The following MSRA variants were observed in gnomAD, a reference collection of about 807,000 sequenced individuals.
The protein encoded by MSRA is methionine sulfoxide reductase A.
MSRA carries 54 observed loss-of-function variants against 31.3 expected under a neutral mutation model. That is an observed-to-expected ratio of 1.73 (90% CI 1.39 to 2.17). The LOEUF (loss-of-function observed/expected upper bound fraction) is 2.17. Ranked by LOEUF, MSRA falls within the 30% of genes most tolerant of loss-of-function variation. MSRA has a pLI of 0.00. For missense variants in MSRA, 507 were observed against 300.9 expected, an observed-to-expected ratio of 1.69 and a Z score of -5.07; for synonymous variants, 169 against 116.5, an observed-to-expected ratio of 1.45 and a Z score of -2.90.
intron 2 of MSRA, among the ~76,000 whole-genome samples, chr8:10,227,649 G>A (rs902409205): frequency 8.5e-5 from 13 of 152,176 alleles, no homozygotes; most frequent in South Asian, 2.1e-4. Flanking sequence ...GAGGTACAGT[G>A]GAGTGTACAC....
chr8:10,340,650 G>A (rs1803368488), intron 5 of MSRA, among the ~76,000 whole-genome samples: 1 of 152,238 alleles, frequency 6.6e-6, no homozygotes, highest in Non-Finnish European at 1.5e-5. Flanking sequence ...TGGGATTCCA[G>A]GCATGAGCCA....
At chr8:10,332,599 G>T (rs1159438701) in intron 5 of MSRA, among the ~76,000 whole-genome samples, 2 of 152,138 alleles carry the variant, frequency 1.3e-5, no homozygotes, top group Non-Finnish European at 2.9e-5. Context: ...TTTCTGGGAG[G>T]CAGGCACCCA....
intron 5 of MSRA, among the ~76,000 whole-genome samples, chr8:10,415,249 C>G (rs1479183449): frequency 1.3e-5 from 2 of 152,166 alleles, no homozygotes; most frequent in African/African-American, 2.4e-5. Context: ...AAGGAAGGAC[C>G]CATTCCCCTT....
At chr8:10,084,265 C>G (rs1798441389) in intron 1 of MSRA, among the ~76,000 whole-genome samples, 1 of 152,222 alleles carries the variant, frequency 6.6e-6, no homozygotes. Flanking sequence ...GCCTTAGCCT[C>G]TTTCTTTAAG....
chr8:10,202,746 T>C (rs62491574), intron 1 of MSRA, among the ~76,000 whole-genome samples: 72,162 of 152,118 alleles, frequency 0.47, 17,370 homozygotes, highest in South Asian at 0.6. Flanking sequence ...AACTGTTATA[T>C]AGAGTTTGTT....
chr8:10,311,952 T>A (rs1023443499), intron 4 of MSRA, among the ~76,000 whole-genome samples: 1 of 152,192 alleles, frequency 6.6e-6, no homozygotes, highest in African/African-American at 2.4e-5. Flanking sequence ...TTATCAAAGA[T>A]AAATCATGAT....
chr8:10,377,519 A>G (rs895522529), intron 5 of MSRA, among the ~76,000 whole-genome samples: 3 of 152,194 alleles, frequency 2.0e-5, no homozygotes, highest in African/African-American at 7.2e-5. Flanking sequence ...AGCCGGGGGC[A>G]TCTAGGAGGG....
intron 1 of MSRA, among the ~76,000 whole-genome samples, chr8:10,074,058 CTTTTTTTTTTTTTTTTTTTTTTTTTTT>C (rs534642712): frequency 1.0e-4 from 3 of 29,454 alleles, no homozygotes; most frequent in African/African-American, 3.6e-4. Flanking sequence ...AAGGGAGGTG[CTTTTTTTTTTTTTTTTTTTTTTTTTTT>C]TTTTTTTTTT....
intron 5 of MSRA, among the ~76,000 whole-genome samples, chr8:10,359,425 C>T (rs993277183): frequency 1.3e-5 from 2 of 152,046 alleles, no homozygotes; most frequent in African/African-American, 4.8e-5. Flanking sequence ...TATTTCAGGT[C>T]TTATATCACT....
chr8:10,229,618 T>C (rs1295216549), intron 2 of MSRA, among the ~76,000 whole-genome samples: 1 of 151,778 alleles, frequency 6.6e-6, no homozygotes, highest in African/African-American at 2.4e-5. Flanking sequence ...GAGAACAGAG[T>C]GGACACGAAC....
At position 10,144,811 on chromosome 8, in the gene MSRA, G is replaced by T. The variant is rs185581663; in HGVS notation, c.143-63022G>T. Among the ~76,000 whole-genome samples the T allele has an allele frequency of 3.3e-4, 50 of 152,288 alleles. No individual in the cohort carries two copies. In the East Asian group the frequency reaches 8.3e-3, roughly 25 times the overall value. On this transcript the variant is annotated intron_variant, in intron 1 of 5. Coordinates refer to ENST00000317173, the MANE Select transcript of MSRA (RefSeq NM_012331.5). ...ACAGCTGGCTCATCAGAGGTGGGCA[G>T]TTGGGGGATTGGCACATCTGACTGT...
At chr8:10,095,951 A>T (rs780692267) in intron 1 of MSRA, 35 of 1,363,906 alleles carry the variant, frequency 2.6e-5, no homozygotes, top group Non-Finnish European at 3.0e-5. Context: ...AATTAGAGGG[A>T]ATATTAATTT....
chr8:10,428,025 G>GCCTAAA, intron 5 of MSRA, 123 bp from the exon 6 acceptor site: 8 of 1,014,644 alleles, frequency 7.9e-6, no homozygotes, highest in Non-Finnish European at 1.1e-5. Context: ...CGGCCTAAAG[G>GCCTAAA]GGACCCACTG....
intron 5 of MSRA, among the ~76,000 whole-genome samples, chr8:10,331,429 C>G (rs969054207): frequency 4.6e-5 from 7 of 152,156 alleles, no homozygotes; most frequent in African/African-American, 1.7e-4. Context: ...GGTGCTTTCT[C>G]CTGTATTTTG....
At chr8:10,213,408 C>T (rs1274947828) in intron 2 of MSRA, among the ~76,000 whole-genome samples, 1 of 146,588 alleles carries the variant, frequency 6.8e-6, no homozygotes, top group Non-Finnish European at 1.5e-5. Context: ...AGGAGTACTC[C>T]ATTGTGTACA....
intron 5 of MSRA, among the ~76,000 whole-genome samples, chr8:10,358,167 G>C (rs557354918): frequency 6.6e-6 from 1 of 152,150 alleles, no homozygotes; most frequent in Non-Finnish European, 1.5e-5. Context: ...GCCCCCGGGT[G>C]ATCTGTCCAC....
intron 3 of MSRA, among the ~76,000 whole-genome samples, chr8:10,283,264 C>T (rs1460613132): frequency 5.9e-5 from 9 of 151,970 alleles, no homozygotes; most frequent in African/African-American, 7.3e-5. Context: ...CAGTATCACA[C>T]GGTGGATCCT....
At chr8:10,092,736 T>G (rs553601487) in intron 1 of MSRA, among the ~76,000 whole-genome samples, 2 of 152,350 alleles carry the variant, frequency 1.3e-5, no homozygotes, top group African/African-American at 4.8e-5. Flanking sequence ...GTTTTCTGTT[T>G]CCTTGCTGAT....
Position 10,319,949 on chromosome 8 carries a change from A to G in MSRA, c.503A>G (p.Gln168Arg). The G allele has an allele frequency of 6.2e-7, 1 of 1,602,534 alleles. No homozygotes were observed. The highest frequency in any genetic ancestry group is 2.3e-5 in the East Asian group (1 of 44,414). Residue 168 changes from glutamine to arginine, a missense_variant, in exon 5 of 6, where the codon CAA becomes CGA. By Grantham distance (43) the Gln-to-Arg change is conservative (BLOSUM62 1). Coordinates refer to ENST00000317173, the MANE Select transcript of MSRA (RefSeq NM_012331.5). The part of the protein sequence containing the change: ...RSAIYPTSAK[Q>R]MEAALSSKEN... ...GCCATCTACCCGACCTCTGCCAAGC[A>G]AATGGAGGCAGCCCTGAGCTCCAAA...
Sources: gnomAD v4.1 joint callset for allele counts (sites outside exome capture counted in the v4.1 genomes callset) on GRCh38, gnomAD v4.1.1 for gene constraint, MANE v1.5 for transcripts, NCBI Gene and HGNC (gene_info 2026-07-23, HGNC 2026-07-21) for gene names.